Variants in C7 observed in about 807,000 individuals in gnomAD.
The protein encoded by C7 is complement component C7.
Under a neutral mutation model 104.8 loss-of-function variants are expected in C7, and 83 were observed. The ratio of observed to expected loss-of-function variants is 0.79; its 90% CI spans 0.66 to 0.95. The LOEUF (loss-of-function observed/expected upper bound fraction) is 0.95. Among genes scored for constraint, C7 ranks in the 40% least tolerant of loss-of-function variants. The pLI is 0.00. For missense variants in C7, 1,070 were observed against 1,011.2 expected (o/e 1.06, Z -0.79); for synonymous variants, 415 against 360.6 (o/e 1.15, Z -1.71).
intron 2 of C7, among the ~76,000 whole-genome samples, chr5:40,929,446 C>G (rs541157851): frequency 6.6e-6 from 1 of 152,022 alleles, no homozygotes; most frequent in Admixed American, 6.6e-5. Flanking sequence ...TCATTGGTAC[C>G]ATACGAAAAC....
Position 40,949,815 on chromosome 5 carries a change from G to T in C7, c.983-89G>T. The T allele has an allele frequency of 5.0e-6, 4 of 794,022 alleles. No individual in the cohort carries two copies. In the Admixed American group the frequency reaches 8.3e-5, roughly 16 times the overall value. 49.2% of individuals were successfully genotyped at this position (794,022 alleles called of 1,614,324 possible). ...TCTTGATTAGATGGCCATAGTAGCA[G>T]CAAACAACCTCTTATCCCTACTCTC... is the stretch of plus-strand genomic sequence containing the variant. On this transcript the variant is annotated intron_variant, in intron 8 of 17. Transcript: ENST00000313164.
intron 1 of C7, among the ~76,000 whole-genome samples, chr5:40,923,800 C>A (rs1038004083): frequency 6.6e-6 from 1 of 151,472 alleles, no homozygotes; most frequent in African/African-American, 2.4e-5. Context: ...TTAAAACAAT[C>A]AGATCTTAAT....
intron 6 of C7, among the ~76,000 whole-genome samples, chr5:40,938,630 G>A (rs1739865380): frequency 6.6e-6 from 1 of 152,120 alleles, no homozygotes; most frequent in Admixed American, 6.5e-5. Flanking sequence ...CCCCAGCAGT[G>A]GGGATGAGTG....
intron 17 of C7, among the ~76,000 whole-genome samples, chr5:40,981,054 T>C (rs1489517467): frequency 6.6e-6 from 1 of 152,212 alleles, no homozygotes; most frequent in Non-Finnish European, 1.5e-5. Context: ...TTGACTTGGT[T>C]CTTTGTTGAG....
intron 1 of C7, among the ~76,000 whole-genome samples, chr5:40,911,794 A>G (rs981656669): frequency 2.0e-5 from 3 of 148,810 alleles, no homozygotes; most frequent in Non-Finnish European, 4.4e-5. Flanking sequence ...GCTGGAGTGC[A>G]GAGGTACGAT....
chr5:40,967,090 T>C (rs1051686472), intron 14 of C7, among the ~76,000 whole-genome samples: 1 of 147,764 alleles, frequency 6.8e-6, no homozygotes, highest in Non-Finnish European at 1.5e-5. Flanking sequence ...TTCTTTGAGA[T>C]GGAGTCTTGC....
intron 1 of C7, among the ~76,000 whole-genome samples, chr5:40,925,217 G>T (rs1365152745): frequency 6.6e-6 from 1 of 152,040 alleles, no homozygotes; most frequent in African/African-American, 2.4e-5. Flanking sequence ...ACCACATCTT[G>T]AAATTTGCTG....
At chr5:40,922,616 G>A (rs910096161) in intron 1 of C7, among the ~76,000 whole-genome samples, 3 of 150,460 alleles carry the variant, frequency 2.0e-5, no homozygotes, top group African/African-American at 7.3e-5. Context: ...CAGGAGAATT[G>A]CTTGAACCCA....
rs1230879532 is a variant in C7 at position 40,972,553 on chromosome 5, A to G, written c.2033A>G (p.Lys678Arg). 1 of 1,612,596 alleles carries G rather than the reference A, an allele frequency of 6.2e-7. No individual in the cohort carries two copies. The highest frequency in any genetic ancestry group is 1.3e-5 in the African/African-American group (1 of 74,964). The change falls in exon 15 of 18, where the codon AAG (lysine) becomes AGG (arginine). Residue 678 changes from lysine to arginine, a missense_variant. Lys to Arg is a conservative substitution (Grantham distance 26, BLOSUM62 2). Transcript: ENST00000313164. The part of the protein sequence containing the change: ...PSAFLCGSSL[K>R]WSPEMKNARC... ...GCATTTCTCTGTGGCTCCAGCCTTA[A>G]GTGGAGTCCTGAGATGAAGAATGCC...
intron 14 of C7, among the ~76,000 whole-genome samples, chr5:40,968,594 ATATATATTTTTTTTTTTTTTTTT>A (rs1441767374): frequency 8.4e-3 from 220 of 26,036 alleles, no homozygotes; most frequent in South Asian, 0.026. Flanking sequence ...ATATATATAT[ATATATATTTTTTTTTTTTTTTTT>A]TTTTTTTTTT....
At chr5:40,977,760 T>C (rs1344807500) in intron 16 of C7, among the ~76,000 whole-genome samples, 1 of 151,986 alleles carries the variant, frequency 6.6e-6, no homozygotes, top group African/African-American at 2.4e-5. Flanking sequence ...CCCAGGCAGG[T>C]GGAGAAGAGT....
At chr5:40,924,881 A>G (rs769455604) in intron 1 of C7, among the ~76,000 whole-genome samples, 1 of 152,244 alleles carries the variant, frequency 6.6e-6, no homozygotes, top group Non-Finnish European at 1.5e-5. Context: ...GGCCTGGCCC[A>G]TGAAACCATT....
At chr5:40,926,142 A>T (rs1739545123) in intron 1 of C7, among the ~76,000 whole-genome samples, 1 of 152,256 alleles carries the variant, frequency 6.6e-6, no homozygotes, top group African/African-American at 2.4e-5. Context: ...AGATTAACAG[A>T]ATGAATGACA....
intron 6 of C7, among the ~76,000 whole-genome samples, chr5:40,938,510 A>T (rs985579642): frequency 6.6e-6 from 1 of 152,158 alleles, no homozygotes; most frequent in Non-Finnish European, 1.5e-5. Flanking sequence ...ATACAAATGA[A>T]CTAGAGCTTC....
chr5:40,961,155 G>C (rs1740411055), intron 12 of C7, among the ~76,000 whole-genome samples: 1 of 152,188 alleles, frequency 6.6e-6, no homozygotes, highest in African/African-American at 2.4e-5. Flanking sequence ...GAGCCTAATT[G>C]ACTATACGTA....
intron 15 of C7, among the ~76,000 whole-genome samples, chr5:40,972,967 T>A (rs1027387290): frequency 6.6e-6 from 1 of 152,222 alleles, no homozygotes; most frequent in African/African-American, 2.4e-5. Context: ...AGAGTTGAGA[T>A]CATAATTTAT....
intron 16 of C7, among the ~76,000 whole-genome samples, chr5:40,979,229 A>G (rs1372750471): frequency 6.6e-6 from 1 of 152,190 alleles, no homozygotes; most frequent in Non-Finnish European, 1.5e-5. Context: ...GCATTGAAAA[A>G]TACAGTTTCA....
rs1199422510 is a variant in C7 at position 40,968,873 on chromosome 5, A to G, written c.1883-3530A>G. ...GTGATCTGCCTGCTTCAGTCTCCCAAAGTGCTGGGATTATAGGTGTGAGCC... is the reference window on the plus strand; with the variant it reads ...GTGATCTGCCTGCTTCAGTCTCCCAGAGTGCTGGGATTATAGGTGTGAGCC... On this transcript the variant is annotated intron_variant, in intron 14 of 17. Coordinates refer to ENST00000313164, the MANE Select transcript of C7 (RefSeq NM_000587.4). 2.0e-5 allele frequency among the ~76,000 whole-genome samples: 3 copies of G among 151,436 alleles called. No homozygotes were observed. In the East Asian group the frequency reaches 5.8e-4, roughly 29 times the overall value.
Position 40,958,261 on chromosome 5 carries a change from G to C in C7, c.1489G>C (p.Gly497Arg), listed in dbSNP as rs989098811. The C allele has an allele frequency of 1.1e-5, 18 of 1,578,958 alleles. No homozygotes were observed. Among genetic ancestry groups the C allele is most frequent in the Non-Finnish European group, 1.6e-5 (18 of 1,160,838 alleles). The change falls in exon 11 of 18, where the codon GGA becomes CGA. Residue 497 changes from glycine to arginine, a missense_variant and splice_region_variant. Coordinates refer to ENST00000313164, the MANE Select transcript of C7 (RefSeq NM_000587.4). ...EQGVLVGNQA[G>R]GVDGGWSCWS... ...AGGAGTCCTCGTAGGGAATCAAGCA[G>C]GTCAGTGGGGTGAATTTTCTCTAGC...
Sources: gnomAD v4.1 joint callset for allele counts (sites outside exome capture counted in the v4.1 genomes callset) on GRCh38, gnomAD v4.1.1 for gene constraint, MANE v1.5 for transcripts, NCBI Gene and HGNC (gene_info 2026-07-23, HGNC 2026-07-21) for gene names.